The following ARHGAP44 variants were observed in gnomAD, a reference collection of about 807,000 sequenced individuals.
ARHGAP44 encodes Rho GTPase activating protein 44.
Under a neutral mutation model 106.8 loss-of-function variants are expected in ARHGAP44, and 43 were observed. The ratio of observed to expected loss-of-function variants is 0.40; its 90% CI spans 0.32 to 0.52. The LOEUF (loss-of-function observed/expected upper bound fraction) is 0.52, where lower values mean the gene tolerates loss of function less well. ARHGAP44 is among the 20% of genes least tolerant of loss of function. The pLI, the probability that ARHGAP44 is intolerant of heterozygous loss-of-function variation, is 0.48. For missense variants in ARHGAP44, 866 were observed against 1,050.5 expected, an observed-to-expected ratio of 0.82 and a Z score of 2.43; for synonymous variants, 439 against 410.3, an observed-to-expected ratio of 1.07 and a Z score of -0.85.
In ARHGAP44 at chr17:12,802,539, A is replaced by G. The variant is rs139989227; in HGVS notation, c.53+12648A>G. Among the ~76,000 whole-genome samples the G allele has an allele frequency of 3.4e-3, 519 of 152,264 alleles. 3 individuals carry two copies. Among genetic ancestry groups the G allele is most frequent in the African/African-American group, 0.012 (495 of 41,568 alleles). On this transcript the variant is annotated intron_variant, in intron 1 of 20. Transcript: ENST00000379672. Reference sequence around the variant, plus strand: ...TAGGAATTCTTTCGATTGACAGTCTACAATGACAGCAGTGAGGAGAGGCAG... The same window carrying G: ...TAGGAATTCTTTCGATTGACAGTCTGCAATGACAGCAGTGAGGAGAGGCAG...
intron 18 of ARHGAP44, 87 bp downstream of exon 18, chr17:12,974,397 C>A: frequency 8.7e-7 from 1 of 1,149,384 alleles, no homozygotes; most frequent in Non-Finnish European, 1.1e-6. Flanking sequence ...TCTTGGATTT[C>A]GTCGTTTCCC....
chr17:12,791,890 G>A (rs2033772797), intron 1 of ARHGAP44, among the ~76,000 whole-genome samples: 4 of 152,130 alleles, frequency 2.6e-5, no homozygotes, highest in Admixed American at 6.6e-5. Context: ...AGCCTGTATC[G>A]CTTTTGATGA....
At chr17:12,896,587 G>A in intron 3 of ARHGAP44, 76 bp downstream of exon 3, 1 of 1,260,636 alleles carries the variant, frequency 7.9e-7, no homozygotes, top group Non-Finnish European at 1.1e-6. Context: ...TGACACTCCT[G>A]GATGTAGCTG....
chr17:12,885,753 G>A (rs989266767), intron 1 of ARHGAP44, among the ~76,000 whole-genome samples: 2 of 151,848 alleles, frequency 1.3e-5, no homozygotes, highest in African/African-American at 2.4e-5. Context: ...TGCATGTTCT[G>A]TATACAATTC....
At chr17:12,921,306 A>G (rs2038078118) in intron 6 of ARHGAP44, among the ~76,000 whole-genome samples, 1 of 151,988 alleles carries the variant, frequency 6.6e-6, no homozygotes, top group Non-Finnish European at 1.5e-5. Context: ...ACTTCAAGTG[A>G]TCTGCCCACC....
intron 13 of ARHGAP44, among the ~76,000 whole-genome samples, chr17:12,954,604 G>A (rs1307919501): frequency 3.9e-5 from 6 of 152,142 alleles, no homozygotes; most frequent in African/African-American, 1.4e-4. Context: ...CCGGGCTCAC[G>A]AAGGTGAGCA....
chr17:12,858,873 C>G (rs570798857), intron 1 of ARHGAP44, among the ~76,000 whole-genome samples: 1 of 152,124 alleles, frequency 6.6e-6, no homozygotes, highest in Non-Finnish European at 1.5e-5. Context: ...GTGAAAGGCA[C>G]GTCTTACATG....
At chr17:12,950,761 G>A (rs2038974210) in intron 12 of ARHGAP44, among the ~76,000 whole-genome samples, 1 of 152,126 alleles carries the variant, frequency 6.6e-6, no homozygotes, top group Admixed American at 6.5e-5. Flanking sequence ...CTGAGAGCAG[G>A]ACTAGAGCAA....
At chr17:12,915,221 T>C (rs551756010) in intron 4 of ARHGAP44, among the ~76,000 whole-genome samples, 1 of 152,318 alleles carries the variant, frequency 6.6e-6, no homozygotes, top group African/African-American at 2.4e-5. Flanking sequence ...ATATTTTTAG[T>C]AGAGGCGGGG....
At chr17:12,902,796 G>T (rs1181620094) in intron 3 of ARHGAP44, among the ~76,000 whole-genome samples, 1 of 152,194 alleles carries the variant, frequency 6.6e-6, no homozygotes, top group Non-Finnish European at 1.5e-5. Flanking sequence ...TTTGGAAAAT[G>T]GTAAGAATCA....
intron 19 of ARHGAP44, among the ~76,000 whole-genome samples, chr17:12,981,547 A>C (rs1243047342): frequency 6.6e-6 from 1 of 151,894 alleles, no homozygotes; most frequent in African/African-American, 2.4e-5. Context: ...AAAGGCGTCT[A>C]CCACCACACC....
chr17:12,927,894 G>A (rs1292204539), intron 6 of ARHGAP44, among the ~76,000 whole-genome samples: 2 of 152,016 alleles, frequency 1.3e-5, no homozygotes, highest in South Asian at 2.1e-4. Context: ...AGGATCGTGC[G>A]GACTAGTTTT....
At chr17:12,857,765 GTTATTTA>G (rs368599102) in intron 1 of ARHGAP44, among the ~76,000 whole-genome samples, 10,054 of 145,618 alleles carry the variant, frequency 0.069, 913 homozygotes, top group African/African-American at 0.21. Context: ...GGTTGCCCAT[GTTATTTA>G]TTTATTTATT....
In ARHGAP44 at chr17:12,879,399, C is replaced by T. The variant is rs561373816; in HGVS notation, c.54-15541C>T. ...GGGCATTTGGTCTGGTTCCATATTT[C>T]GCAGTTGCAAATTGTGCTGCTATAA... On this transcript the variant is annotated intron_variant, in intron 1 of 20. Transcript: ENST00000379672. 1.9e-4 allele frequency among the ~76,000 whole-genome samples: 29 copies of T among 152,106 alleles called. 1 individual carries two copies. Among genetic ancestry groups the T allele is most frequent in the African/African-American group, 6.7e-4 (28 of 41,490 alleles).
intron 10 of ARHGAP44, 92 bp downstream of exon 10, chr17:12,944,288 C>T: frequency 7.0e-7 from 1 of 1,419,174 alleles, no homozygotes; most frequent in Non-Finnish European, 9.2e-7. Flanking sequence ...ACCATCTCCA[C>T]TCCGGCCCCC....
chr17:12,989,101 C>CCCAAA (rs1598173210), intron 20 of ARHGAP44, among the ~76,000 whole-genome samples: 2 of 45,166 alleles, frequency 4.4e-5, no homozygotes, highest in African/African-American at 8.5e-5. Flanking sequence ...CCACCCCCCC[C>CCCAAA]AAAAAAAAAA....
At chr17:12,806,799 A>G (rs2034287717) in intron 1 of ARHGAP44, among the ~76,000 whole-genome samples, 1 of 152,230 alleles carries the variant, frequency 6.6e-6, no homozygotes. Context: ...AGACACATTT[A>G]CATTTTCATG....
intron 1 of ARHGAP44, among the ~76,000 whole-genome samples, chr17:12,827,884 C>T (rs1053999993): frequency 1.3e-4 from 19 of 151,936 alleles, no homozygotes; most frequent in African/African-American, 3.1e-4. Context: ...ACTAAAAATA[C>T]GAAAATCAGC....
At chr17:12,945,880 A>G (rs777103741) in intron 10 of ARHGAP44, among the ~76,000 whole-genome samples, 1 of 152,074 alleles carries the variant, frequency 6.6e-6, no homozygotes, top group Non-Finnish European at 1.5e-5. Flanking sequence ...TCTGCCTTCC[A>G]GGTTCAAGCG....
Sources: allele counts gnomAD v4.1 joint callset (sites outside exome capture counted in the v4.1 genomes callset), GRCh38; gene constraint gnomAD v4.1.1; transcripts MANE v1.5; gene names NCBI Gene and HGNC (gene_info 2026-07-23, HGNC 2026-07-21).